Variants in POLA1 observed in about 807,000 individuals in gnomAD.
POLA1 encodes the protein DNA polymerase alpha 1, catalytic subunit.
Under a neutral mutation model 124.0 loss-of-function variants are expected in POLA1, and 15 were observed. The ratio of observed to expected loss-of-function variants is 0.12; its 90% CI spans 0.08 to 0.19. POLA1 has a LOEUF of 0.19. Ranked by LOEUF, POLA1 falls within the 10% of genes least tolerant of loss-of-function variation. The probability of loss-of-function intolerance (pLI) is 1.00; values close to 1 mark genes in which losing one functional copy is unlikely to be tolerated. For missense variants in POLA1, 886 were observed against 1,103.4 expected, an observed-to-expected ratio of 0.80 and a Z score of 2.79; for synonymous variants, 408 against 389.4, an observed-to-expected ratio of 1.05 and a Z score of -0.56.
intron 21 of POLA1, 113 bp downstream of exon 21, chrX:24,741,617 T>C: frequency 3.0e-6 from 2 of 660,886 alleles, no homozygotes; most frequent in Non-Finnish European, 4.6e-6. Flanking sequence ...ATGAGTAACT[T>C]GGATTCTGAA....
intron 34 of POLA1, among the ~76,000 whole-genome samples, chrX:24,856,566 T>C (rs1030531394): frequency 8.9e-6 from 1 of 112,196 alleles, no homozygotes; most frequent in African/African-American, 3.2e-5. Context: ...TTTAAGACAT[T>C]GCCAAACTAT....
intron 36 of POLA1, among the ~76,000 whole-genome samples, chrX:24,985,202 A>G (rs984281752): frequency 1.8e-5 from 2 of 112,360 alleles, no homozygotes; most frequent in Non-Finnish European, 3.8e-5. Context: ...CACTTTTTCT[A>G]TGAAGAGTCA....
intron 26 of POLA1, among the ~76,000 whole-genome samples, chrX:24,802,426 G>A (rs139334596): frequency 1.2e-4 from 13 of 111,851 alleles, no homozygotes; most frequent in African/African-American, 4.2e-4. Flanking sequence ...TGGTTTGAAG[G>A]TGCATGTAGG....
chrX:24,701,788 C>G (rs1398386511), intron 2 of POLA1, among the ~76,000 whole-genome samples: 1 of 101,585 alleles, frequency 9.8e-6, no homozygotes, highest in Non-Finnish European at 2.0e-5. Flanking sequence ...TAATCTCGCT[C>G]TCTCTCCCAG....
intron 33 of POLA1, among the ~76,000 whole-genome samples, chrX:24,842,712 C>G (rs1027062763): frequency 9.0e-6 from 1 of 111,410 alleles, no homozygotes; most frequent in Admixed American, 9.6e-5. Context: ...GGCTTGACGA[C>G]TTGCAGATGG....
chrX:24,871,803 G>A (rs905601904), intron 34 of POLA1, among the ~76,000 whole-genome samples: 2 of 111,422 alleles, frequency 1.8e-5, no homozygotes, highest in Admixed American at 9.6e-5. Context: ...ACTTATGTTA[G>A]GGAAGGGATC....
intron 2 of POLA1, among the ~76,000 whole-genome samples, chrX:24,701,073 A>G (rs1425914855): frequency 8.9e-6 from 1 of 112,047 alleles, no homozygotes; most frequent in African/African-American, 3.2e-5. Context: ...TCTGTCTTCA[A>G]CCAACAAAAA....
At chrX:24,972,341 G>A (rs2048314183) in intron 36 of POLA1, among the ~76,000 whole-genome samples, 1 of 111,947 alleles carries the variant, frequency 8.9e-6, no homozygotes, top group African/African-American at 3.2e-5. Flanking sequence ...AAGAACTTAG[G>A]GGAAATTATG....
chrX:24,801,452 C>A (rs951606905), intron 26 of POLA1, among the ~76,000 whole-genome samples: 3 of 111,582 alleles, frequency 2.7e-5, no homozygotes, highest in Non-Finnish European at 5.6e-5. Flanking sequence ...AGGTTTAATG[C>A]CCATGATATG....
At chrX:24,990,432 C>T (rs1384734359) in intron 36 of POLA1, among the ~76,000 whole-genome samples, 6 of 112,326 alleles carry the variant, frequency 5.3e-5, no homozygotes, top group Non-Finnish European at 9.4e-5. Context: ...TATTCCAGTT[C>T]TCCTCCCTTC....
rs1357052331 is a variant in POLA1 at position 24,985,127 on chromosome X, A to C, written c.4262-10678A>C. On this transcript the variant is annotated intron_variant, in intron 36 of 36. Transcript: ENST00000379068. Reference sequence around the variant, plus strand: ...CTATGGTGTCTCTTCTGTTTAACTTATGGGACTGTTGTTAGGATGAAATAA... The same window carrying C: ...CTATGGTGTCTCTTCTGTTTAACTTCTGGGACTGTTGTTAGGATGAAATAA... Among the ~76,000 whole-genome samples the C allele has an allele frequency of 9.8e-5, 11 of 112,054 alleles. No individual in the cohort carries two copies. In the Admixed American group the frequency reaches 1.0e-3, roughly 11 times the overall value.
At chrX:24,921,520 C>A (rs1209076931) in intron 35 of POLA1, among the ~76,000 whole-genome samples, 1 of 112,076 alleles carries the variant, frequency 8.9e-6, no homozygotes. Context: ...TTTCTCTTGT[C>A]CCCTGATGTA....
intron 34 of POLA1, among the ~76,000 whole-genome samples, chrX:24,849,097 ATTG>A (rs1204991231): frequency 1.8e-5 from 2 of 113,209 alleles, no homozygotes; most frequent in African/African-American, 6.4e-5. Context: ...TTTTGGAATT[ATTG>A]TTTATTTCCT....
At chrX:24,982,174 G>GA (rs1159294218) in intron 36 of POLA1, among the ~76,000 whole-genome samples, 1 of 109,719 alleles carries the variant, frequency 9.1e-6, no homozygotes, top group Non-Finnish European at 1.9e-5. Context: ...CAGCACAATG[G>GA]AAAACCAATC....
intron 36 of POLA1, among the ~76,000 whole-genome samples, chrX:24,960,180 C>T (rs2048153072): frequency 9.0e-6 from 1 of 111,633 alleles, no homozygotes; most frequent in African/African-American, 3.3e-5. Flanking sequence ...GGCACCTCTA[C>T]CCTCAAATAT....
chrX:24,848,455 T>C (rs2046504818), intron 34 of POLA1, among the ~76,000 whole-genome samples: 1 of 112,037 alleles, frequency 8.9e-6, no homozygotes, highest in Non-Finnish European at 1.9e-5. Flanking sequence ...GGATGTTTTG[T>C]AGTGTATGAA....
At position 24,727,014 on chromosome X, in the gene POLA1, C is replaced by G; in HGVS notation, c.1474C>G (p.Leu492Val). 1 of 1,202,423 alleles carries G rather than the reference C, an allele frequency of 8.3e-7. No homozygotes were observed. Among genetic ancestry groups the G allele is most frequent in the Non-Finnish European group, 1.1e-6 (1 of 889,331 alleles). ...VFGTNTSSLELFLMNRKIKGP... is the reference protein window; with the variant it reads ...VFGTNTSSLEVFLMNRKIKGP... ...TGGGACCAACACATCTAGCCTGGAA[C>G]TGTTCTTGATGAACAGAAAGATCAA... is the stretch of plus-strand genomic sequence containing the variant. Residue 492 changes from leucine to valine, a missense_variant, in exon 14 of 37, where the codon CTG (leucine) becomes GTG (valine). Physicochemically the swap from Leu to Val is conservative, Grantham distance 32. Around this residue, in one of 7 missense-constraint regions of POLA1, gnomAD observed 337 missense variants for 402.8 expected, o/e 0.84. Coordinates refer to ENST00000379068, the MANE Select transcript of POLA1 (RefSeq NM_001330360.2).
chrX:24,724,984 G>A (rs1052481481), intron 12 of POLA1, among the ~76,000 whole-genome samples: 2 of 111,070 alleles, frequency 1.8e-5, no homozygotes, highest in African/African-American at 3.3e-5. Flanking sequence ...AATAATGATC[G>A]CAGGAAGGAT....
chrX:24,697,747 C>A (rs1189488200), intron 1 of POLA1, among the ~76,000 whole-genome samples: 1 of 110,805 alleles, frequency 9.0e-6, no homozygotes, highest in East Asian at 2.8e-4. Flanking sequence ...TTTTAGGCTG[C>A]CTCTTATCCA....
Sources: gnomAD v4.1 joint callset for allele counts (sites outside exome capture counted in the v4.1 genomes callset) on GRCh38, gnomAD v4.1.1 for gene constraint, gnomAD v4.1.1 regional missense constraint, MANE v1.5 for transcripts, NCBI Gene and HGNC (gene_info 2026-07-23, HGNC 2026-07-21) for gene names.